The following PDXK variants were observed in gnomAD, a reference collection of about 807,000 sequenced individuals.
PDXK encodes the protein pyridoxal kinase.
In PDXK, 15 loss-of-function variants were observed where a neutral mutation model predicts 43.2. The ratio of observed to expected loss-of-function variants is 0.35; its 90% CI spans 0.23 to 0.53. The LOEUF is 0.53. Among genes scored for constraint, PDXK ranks in the 20% least tolerant of loss-of-function variants. The pLI is 0.92. For missense variants in PDXK, 343 were observed against 417.0 expected, an observed-to-expected ratio of 0.82 and a Z score of 1.54; for synonymous variants, 172 against 165.4, an observed-to-expected ratio of 1.04 and a Z score of -0.31.
chr21:43,737,569 G>T lies in PDXK; in HGVS notation c.142+3446G>T. ...TGGCTTTCGGAGTGTAGAGCCAGAG[G>T]GGATGGGACAGGTGCCCTGCTGCTG... On this transcript the variant is annotated intron_variant, in intron 2 of 10. Transcript: ENST00000291565. The surrounding 1 kb of genome is among the most constrained non-coding windows in gnomAD (Gnocchi z 4.8). 1 of 1,000,778 alleles carries T rather than the reference G, an allele frequency of 1.0e-6. No individual in the cohort carries two copies. The highest frequency in any genetic ancestry group is 1.2e-6 in the Non-Finnish European group (1 of 838,284). 62.0% of individuals were successfully genotyped at this position (1,000,778 alleles called of 1,614,324 possible).
intron 2 of PDXK, among the ~76,000 whole-genome samples, chr21:43,739,414 A>G (rs1026772319): frequency 6.6e-6 from 1 of 152,168 alleles, no homozygotes; most frequent in African/African-American, 2.4e-5. Context: ...GCTGGTCCCC[A>G]ACACTAATAA....
In PDXK at chr21:43,737,670, G is replaced by T; in HGVS notation, c.142+3547G>T. The T allele has an allele frequency of 1.3e-6, 1 of 776,734 alleles. No homozygotes were observed. The highest frequency in any genetic ancestry group is 5.7e-5 in the South Asian group (1 of 17,448). The allele number at this position is 776,734 out of a possible 1,614,324, so 48.1% of individuals were successfully genotyped here. A position where few individuals can be genotyped will look rare whatever the true frequency, so the allele number is the denominator to read the frequency against. On this transcript the variant is annotated intron_variant, in intron 2 of 10. Coordinates refer to ENST00000291565, the MANE Select transcript of PDXK (RefSeq NM_003681.5). The surrounding 1 kb of genome is among the most constrained non-coding windows in gnomAD (Gnocchi z 4.8). ...AGCTGCGGGGCTGGAGAAGGCCAGG[G>T]CCAGGAGCCTGCCGACGGACACCAG...
intron 5 of PDXK, among the ~76,000 whole-genome samples, chr21:43,746,392 G>C (rs71316194): frequency 6.6e-6 from 1 of 152,250 alleles, no homozygotes; most frequent in South Asian, 2.1e-4. Context: ...ACAGATAAGA[G>C]GTGTACAAAC....
At chr21:43,742,613 G>A (rs997850265) in intron 3 of PDXK, among the ~76,000 whole-genome samples, 10 of 152,232 alleles carry the variant, frequency 6.6e-5, no homozygotes, top group South Asian at 2.1e-4. Flanking sequence ...ACAGGGGCTC[G>A]AACCTGTAAT....
chr21:43,743,865 C>A, intron 4 of PDXK, 58 bp downstream of exon 4: 1 of 1,274,464 alleles, frequency 7.8e-7, no homozygotes, highest in Non-Finnish European at 1.1e-6. Flanking sequence ...TGGGGCTGGC[C>A]TGGGAGCCCG....
chr21:43,752,101 A>ATGTGTGTGTGTGTG, intron 7 of PDXK, among the ~76,000 whole-genome samples: 1 of 146,600 alleles, frequency 6.8e-6, no homozygotes, highest in East Asian at 2.0e-4. Flanking sequence ...GATGCAGCAC[A>ATGTGTGTGTGTGTG]TGTGTGTGTG....
At chr21:43,744,000 G>A (rs193042812) in intron 4 of PDXK, among the ~76,000 whole-genome samples, 193 bp downstream of exon 4, 50 of 152,376 alleles carry the variant, frequency 3.3e-4, no homozygotes, top group African/African-American at 9.1e-4. Context: ...GGCTAGAAGC[G>A]TTTGCAGGTG....
intron 1 of PDXK, chr21:43,728,807 C>T: frequency 1.0e-6 from 1 of 985,578 alleles, no homozygotes; most frequent in Non-Finnish European, 1.2e-6. Flanking sequence ...AGTCGGAGAG[C>T]TCCTGCGGTC....
rs1164372701 is a variant in PDXK, at chr21:43,729,044, G to A, written c.88-5025G>A. 64 of 984,564 alleles carry A rather than the reference G, an allele frequency of 6.5e-5. 1 individual carries two copies. The South Asian group carries it at 2.4e-3, about 37-fold the overall frequency. 61.0% of individuals were successfully genotyped at this position (984,564 alleles called of 1,614,324 possible). A position where few individuals can be genotyped will look rare whatever the true frequency, so the allele number is the denominator to read the frequency against. On this transcript the variant is annotated intron_variant, in intron 1 of 10. Coordinates refer to ENST00000291565, the MANE Select transcript of PDXK (RefSeq NM_003681.5). ...GCCCCAATACGTCACACGGATGAGCGGGGCAAAGCCCAGCCCCCCACCCCG... is the reference window on the plus strand; with the variant it reads ...GCCCCAATACGTCACACGGATGAGCAGGGCAAAGCCCAGCCCCCCACCCCG...
intron 5 of PDXK, among the ~76,000 whole-genome samples, chr21:43,747,487 G>A (rs563335633): frequency 1.3e-5 from 2 of 152,388 alleles, no homozygotes; most frequent in Admixed American, 1.3e-4. Context: ...TTGAAGTCAG[G>A]ATATCTGTCA....
Position 43,756,381 on chromosome 21 carries a change from G to C in PDXK, c.*318G>C, listed in dbSNP as rs2083851670. On this transcript the variant is annotated 3_prime_UTR_variant, in exon 11 of 11. Coordinates refer to ENST00000291565, the MANE Select transcript of PDXK (RefSeq NM_003681.5). ...AGGGTGAGTGGGTGAGGCCGAGCCT[G>C]CTGCGTGTGGAGCCTCGAGTGGGCC... 3.4e-6 allele frequency: 1 copy of C among 297,380 alleles called. No homozygotes were observed. The highest frequency in any genetic ancestry group is 4.7e-5 in the Admixed American group (1 of 21,290). The allele number at this position is 297,380 out of a possible 1,614,324, so 18.4% of individuals were successfully genotyped here.
rs913509242 is a variant in PDXK at position 43,748,654 on chromosome 21, C to T, written c.379-341C>T. On this transcript the variant is annotated intron_variant, in intron 5 of 10. Coordinates refer to ENST00000291565, the MANE Select transcript of PDXK (RefSeq NM_003681.5). ...CCCTCACCAGATGACCAGGGCTGCT[C>T]CATCCACCTGTGGGGTTTCCCTTTC... Among the ~76,000 whole-genome samples the T allele has an allele frequency of 2.0e-5, 3 of 152,198 alleles. 1 individual carries two copies. The highest frequency in any genetic ancestry group is 4.4e-5 in the Non-Finnish European group (3 of 68,042).
intron 4 of PDXK, 103 bp downstream of exon 4, chr21:43,743,910 C>T (rs748016811): frequency 4.6e-5 from 34 of 741,048 alleles, no homozygotes; most frequent in African/African-American, 2.8e-4. Flanking sequence ...CTCCTCTGCA[C>T]GCCTCCGTGC....
chr21:43,747,812 C>T (rs1568988549), intron 5 of PDXK, among the ~76,000 whole-genome samples: 1 of 152,200 alleles, frequency 6.6e-6, no homozygotes, highest in Non-Finnish European at 1.5e-5. Flanking sequence ...CTCAGATGAG[C>T]GGTCACCCCG....
At chr21:43,743,444 G>A (rs1388701232) in intron 3 of PDXK, among the ~76,000 whole-genome samples, 3 of 22,060 alleles carry the variant, frequency 1.4e-4, no homozygotes, top group African/African-American at 2.0e-4. Flanking sequence ...GGGACACCTC[G>A]CCTGCACCCA....
At chr21:43,736,629 GTTTTTT>G (rs34234452) in intron 2 of PDXK, among the ~76,000 whole-genome samples, 1 of 118,644 alleles carries the variant, frequency 8.4e-6, no homozygotes, top group Non-Finnish European at 1.7e-5. Context: ...TCCTTTTTCT[GTTTTTT>G]TTTTTTTTTT....
intron 4 of PDXK, chr21:43,745,840 T>A: frequency 1.8e-6 from 1 of 553,808 alleles, no homozygotes; most frequent in African/African-American, 1.9e-5. Flanking sequence ...GTACAAATCA[T>A]TTAAAAGCTA....
intron 1 of PDXK, among the ~76,000 whole-genome samples, chr21:43,730,553 C>T (rs189651350): frequency 9.1e-4 from 139 of 152,260 alleles, no homozygotes; most frequent in Non-Finnish European, 1.6e-3. Context: ...AGCGTTCTTC[C>T]CTCCAGACAC....
intron 1 of PDXK, among the ~76,000 whole-genome samples, chr21:43,727,200 C>A (rs1361216996): frequency 6.6e-6 from 1 of 152,134 alleles, no homozygotes; most frequent in Non-Finnish European, 1.5e-5. Flanking sequence ...GGGTGCACAC[C>A]CACACAGAGC....
Sources: gnomAD v4.1 joint callset for allele counts (sites outside exome capture counted in the v4.1 genomes callset) on GRCh38, gnomAD v4.1.1 for gene constraint, Gnocchi (gnomAD v3.1) non-coding constraint, MANE v1.5 for transcripts, NCBI Gene and HGNC (gene_info 2026-07-23, HGNC 2026-07-21) for gene names.